SH3GL2: variants seen among roughly 807,000 people sequenced by gnomAD.
SH3GL2 encodes the protein SH3 domain containing GRB2 like 2, endophilin A1.
SH3GL2 carries 24 observed loss-of-function variants against 46.0 expected under a neutral mutation model. The observed-to-expected ratio is 0.52, with a 90% confidence interval of 0.38 to 0.73. The LOEUF (loss-of-function observed/expected upper bound fraction) is 0.73, where lower values mean the gene tolerates loss of function less well. Among genes scored for constraint, SH3GL2 ranks in the 30% least tolerant of loss-of-function variants. The pLI is 0.00. For synonymous variants in SH3GL2, 196 were observed against 147.1 expected (o/e 1.33, Z -2.40); for missense variants, 413 against 424.2 (o/e 0.97, Z 0.23).
At chr9:17,610,515 GATC>G (rs943846333) in intron 1 of SH3GL2, among the ~76,000 whole-genome samples, 8 of 152,190 alleles carry the variant, frequency 5.3e-5, no homozygotes, top group African/African-American at 1.9e-4. Flanking sequence ...GAATGACTAA[GATC>G]ATTGTTTAAC....
intron 1 of SH3GL2, among the ~76,000 whole-genome samples, chr9:17,646,887 T>C (rs1009988354): frequency 6.6e-6 from 1 of 152,216 alleles, no homozygotes; most frequent in Non-Finnish European, 1.5e-5. Context: ...CTGTCCGTTA[T>C]CAGAGGTCGA....
chr9:17,630,316 C>T (rs1819390573), intron 1 of SH3GL2: 1 of 152,122 alleles, frequency 6.6e-6, no homozygotes. Flanking sequence ...ATTTTTCATT[C>T]ACAAATTGCT....
At chr9:17,604,665 C>T (rs1273792318) in intron 1 of SH3GL2, among the ~76,000 whole-genome samples, 1 of 152,138 alleles carries the variant, frequency 6.6e-6, no homozygotes, top group East Asian at 1.9e-4. Flanking sequence ...AGTGGAGTAC[C>T]TGACAGAGCA....
chr9:17,598,125 C>G (rs927643145), intron 1 of SH3GL2, among the ~76,000 whole-genome samples: 1 of 152,178 alleles, frequency 6.6e-6, no homozygotes, highest in Non-Finnish European at 1.5e-5. Flanking sequence ...AGGCCATGTT[C>G]TTTTCAGTAT....
At position 17,789,397 on chromosome 9, in the gene SH3GL2, T is replaced by A; in HGVS notation, c.471T>A (p.His157Gln). 6.2e-7 allele frequency: 1 copy of A among 1,613,150 alleles called. No individual in the cohort carries two copies. The highest frequency in any genetic ancestry group is 8.5e-7 in the Non-Finnish European group (1 of 1,179,372). The change falls in exon 6 of 9, where the codon CAT becomes CAA. Residue 157 changes from histidine (H) to glutamine (Q), a missense_variant. Around this residue, in one of 3 missense-constraint regions of SH3GL2, gnomAD observed 160 missense variants for 192.3 expected, o/e 0.83. Transcript: ENST00000380607. ...CCTGCCCTTGACTTTTGCAGCATCA[T>A]CTAAAGAAGTTGGAGGGTCGACGCC... is the stretch of plus-strand genomic sequence containing the variant. ...HDKDLREIQH[H>Q]LKKLEGRRLD...
intron 3 of SH3GL2, among the ~76,000 whole-genome samples, chr9:17,775,916 G>A (rs1823629286): frequency 6.6e-6 from 1 of 152,164 alleles, no homozygotes. Flanking sequence ...GTGATAGACA[G>A]ATGCCCTGTC....
intron 7 of SH3GL2, among the ~76,000 whole-genome samples, chr9:17,792,398 G>A (rs1824156633): frequency 6.6e-6 from 1 of 152,098 alleles, no homozygotes; most frequent in Non-Finnish European, 1.5e-5. Flanking sequence ...TCTGAAATAT[G>A]TTCAAAGTCA....
Position 17,623,001 on chromosome 9 carries a change from C to CG in SH3GL2, c.45+43714_45+43715insG, listed in dbSNP as rs1563786465. Among the ~76,000 whole-genome samples the CG allele has an allele frequency of 4.7e-4, 38 of 80,492 alleles. 1 individual carries two copies. Among genetic ancestry groups the CG allele is most frequent in the African/African-American group, 1.6e-3 (32 of 20,230 alleles). 52.8% of individuals were successfully genotyped at this position (80,492 alleles called of 152,430 possible). On this transcript the variant is annotated intron_variant, in intron 1 of 8. Coordinates refer to ENST00000380607, the MANE Select transcript of SH3GL2 (RefSeq NM_003026.5). ...GTTTCCTTTCGTTTCCTTTCCTTTCCTTTCCTTTCCTTTCCTTTCCTTTCC... is the reference window on the plus strand; with the variant it reads ...GTTTCCTTTCGTTTCCTTTCCTTTCCGTTTCCTTTCCTTTCCTTTCCTTTCC...
At chr9:17,708,816 T>G (rs10491539) in intron 1 of SH3GL2, among the ~76,000 whole-genome samples, 42,455 of 151,766 alleles carry the variant, frequency 0.28, 7,979 homozygotes, top group African/African-American at 0.52. Context: ...CGAGATTCAG[T>G]TTTAAAGAAA....
At chr9:17,639,487 T>C (rs2134640225) in intron 1 of SH3GL2, among the ~76,000 whole-genome samples, 1 of 152,326 alleles carries the variant, frequency 6.6e-6, no homozygotes, top group South Asian at 2.1e-4. Flanking sequence ...GATACAACTG[T>C]ATACCCACTG....
intron 3 of SH3GL2, among the ~76,000 whole-genome samples, chr9:17,784,261 T>C (rs1823894307): frequency 6.6e-6 from 1 of 152,154 alleles, no homozygotes; most frequent in Non-Finnish European, 1.5e-5. Context: ...TTCAAAATGA[T>C]GTGTTTGAAA....
At chr9:17,727,242 A>C (rs907262733) in intron 1 of SH3GL2, among the ~76,000 whole-genome samples, 1 of 152,170 alleles carries the variant, frequency 6.6e-6, no homozygotes, top group African/African-American at 2.4e-5. Context: ...CTGTTTATGT[A>C]AGTTAAAATA....
intron 1 of SH3GL2, among the ~76,000 whole-genome samples, chr9:17,619,789 C>A (rs1432407332): frequency 6.6e-6 from 1 of 152,236 alleles, no homozygotes; most frequent in South Asian, 2.1e-4. Context: ...TTGACATGGA[C>A]ACATTTATGT....
intron 1 of SH3GL2, chr9:17,630,387 T>G (rs987353290): frequency 6.6e-6 from 1 of 152,274 alleles, no homozygotes; most frequent in African/African-American, 2.4e-5. Flanking sequence ...TGACTGTTAC[T>G]GAGTATAAAC....
intron 1 of SH3GL2, among the ~76,000 whole-genome samples, chr9:17,714,615 T>G (rs915134867): frequency 6.6e-6 from 1 of 151,830 alleles, no homozygotes; most frequent in Non-Finnish European, 1.5e-5. Flanking sequence ...AGTACTTCAC[T>G]TATTGCATAC....
chr9:17,682,485 G>C (rs9987947), intron 1 of SH3GL2, among the ~76,000 whole-genome samples: 128,610 of 151,982 alleles, frequency 0.85, 54,880 homozygotes, highest in African/African-American at 0.96. Context: ...TACGTGTTCT[G>C]GTAAGTGCGA....
rs548756916 is a variant in SH3GL2 at position 17,720,522 on chromosome 9, A to T, written c.46-26544A>T. 1.2e-4 allele frequency among the ~76,000 whole-genome samples: 18 copies of T among 152,186 alleles called. No homozygotes were observed. In the South Asian group the frequency reaches 1.5e-3, roughly 12 times the overall value. ...AACTCAGCATCTGCCTTATTTGGAC[A>T]TGGTTTGAACAGTTGGCAGCGCTTA... On this transcript the variant is annotated intron_variant, in intron 1 of 8. Coordinates refer to ENST00000380607, the MANE Select transcript of SH3GL2 (RefSeq NM_003026.5).
At chr9:17,751,853 A>C (rs1025761034) in intron 2 of SH3GL2, among the ~76,000 whole-genome samples, 6 of 151,632 alleles carry the variant, frequency 4.0e-5, no homozygotes, top group African/African-American at 1.2e-4. Context: ...GCTAAGACAC[A>C]CCCCCCCGGT....
Position 17,688,292 on chromosome 9 carries a change from T to G in SH3GL2, c.46-58774T>G, listed in dbSNP as rs377109864. Reference sequence around the variant, plus strand: ...CTGGAATTGCCTTTTGGGGAGTTATTTTCTGTTTACGTAGTATTTTCTATA... The same window carrying G: ...CTGGAATTGCCTTTTGGGGAGTTATGTTCTGTTTACGTAGTATTTTCTATA... On this transcript the variant is annotated intron_variant, in intron 1 of 8. Coordinates refer to ENST00000380607, the MANE Select transcript of SH3GL2 (RefSeq NM_003026.5). 1.1e-4 allele frequency among the ~76,000 whole-genome samples: 16 copies of G among 152,152 alleles called. No individual in the cohort carries two copies. The South Asian group carries it at 3.3e-3, about 32-fold the overall frequency.
Sources: gnomAD v4.1 joint callset for allele counts (sites outside exome capture counted in the v4.1 genomes callset) on GRCh38, gnomAD v4.1.1 for gene constraint, gnomAD v4.1.1 regional missense constraint, MANE v1.5 for transcripts, NCBI Gene and HGNC (gene_info 2026-07-23, HGNC 2026-07-21) for gene names.